The following GAN variants were observed in gnomAD, a reference collection of about 807,000 sequenced individuals.
GAN encodes gigaxonin.
In GAN, 48 loss-of-function variants were observed where a neutral mutation model predicts 71.3. The observed-to-expected ratio is 0.67, with a 90% CI of 0.53 to 0.86. GAN has a LOEUF of 0.86. Ranked by LOEUF, GAN falls within the 40% of genes least tolerant of loss-of-function variation. The pLI is 0.00. For missense variants in GAN, 928 were observed against 770.1 expected, an observed-to-expected ratio of 1.21 and a Z score of -2.43; for synonymous variants, 386 against 276.8, an observed-to-expected ratio of 1.39 and a Z score of -3.92.
At chr16:81,351,406 A>G (rs149912994) in intron 1 of GAN, among the ~76,000 whole-genome samples, 177 bp from the exon 2 acceptor site, 13 of 152,188 alleles carry the variant, frequency 8.5e-5, no homozygotes, top group African/African-American at 2.9e-4. Flanking sequence ...CCTGGGACCA[A>G]TGTTTTGTAG....
chr16:81,355,568 G>T (rs1910459648), intron 3 of GAN, among the ~76,000 whole-genome samples: 1 of 152,166 alleles, frequency 6.6e-6, no homozygotes, highest in Admixed American at 6.5e-5. Context: ...TCGCTGTGCT[G>T]CCCAGGCTGG....
At chr16:81,350,329 A>T (rs1009541232) in intron 1 of GAN, among the ~76,000 whole-genome samples, 1 of 152,164 alleles carries the variant, frequency 6.6e-6, no homozygotes, top group African/African-American at 2.4e-5. Flanking sequence ...CACTCATTCA[A>T]TTGACAAAAC....
At chr16:81,352,340 T>C (rs1369566519) in intron 2 of GAN, among the ~76,000 whole-genome samples, 2 of 152,206 alleles carry the variant, frequency 1.3e-5, no homozygotes, top group African/African-American at 4.8e-5. Context: ...CTTCTTTCTT[T>C]TCCTTTGCCC....
At chr16:81,368,230 G>A (rs1053700673) in intron 9 of GAN, among the ~76,000 whole-genome samples, 7 of 152,118 alleles carry the variant, frequency 4.6e-5, no homozygotes, top group Non-Finnish European at 8.8e-5. Context: ...CCAGAATGAC[G>A]GTTTCTCTAT....
In GAN at chr16:81,347,832, T is replaced by TC. The variant is rs1434204948; in HGVS notation, c.168-3749dup. ...AAGACTTTTTTCTTTATTTCTCGTATCCTGAATTATTATGATGATGTGCTC... is the reference window on the plus strand; with the variant it reads ...AAGACTTTTTTCTTTATTTCTCGTATCCCTGAATTATTATGATGATGTGCTC... On this transcript the variant is annotated intron_variant, in intron 1 of 10. Transcript: ENST00000648994. Among the ~76,000 whole-genome samples, 3 of 152,154 alleles carry TC rather than the reference T, an allele frequency of 2.0e-5. No homozygotes were observed. The East Asian group carries it at 5.8e-4, about 29-fold the overall frequency.
intron 1 of GAN, among the ~76,000 whole-genome samples, chr16:81,332,559 C>T (rs996114224): frequency 6.6e-5 from 10 of 152,176 alleles, no homozygotes; most frequent in Non-Finnish European, 8.8e-5. Context: ...CAACCTGAGT[C>T]GGGTGCCACC....
At chr16:81,355,563 G>T (rs1442266979) in intron 3 of GAN, among the ~76,000 whole-genome samples, 2 of 152,130 alleles carry the variant, frequency 1.3e-5, no homozygotes, top group Admixed American at 6.5e-5. Flanking sequence ...GGGTCTCGCT[G>T]TGCTGCCCAG....
chr16:81,355,552 A>G (rs1910458770), intron 3 of GAN, among the ~76,000 whole-genome samples: 1 of 152,040 alleles, frequency 6.6e-6, no homozygotes, highest in Non-Finnish European at 1.5e-5. Flanking sequence ...TTGTAGAGAC[A>G]GGGTCTCGCT....
chr16:81,373,835 T>C (rs530685440), intron 9 of GAN, among the ~76,000 whole-genome samples: 1 of 152,296 alleles, frequency 6.6e-6, no homozygotes, highest in African/African-American at 2.4e-5. Context: ...CTCCGCCTCC[T>C]GGGTTCAAGT....
chr16:81,324,193 A>C, intron 1 of GAN, among the ~76,000 whole-genome samples: 1 of 152,146 alleles, frequency 6.6e-6, no homozygotes, highest in Non-Finnish European at 1.5e-5. Flanking sequence ...TTAAGTAGAG[A>C]ACATCAGTTC....
rs1904312942 is a variant in GAN at position 81,382,919 on chromosome 16, C to T, written c.*5323C>T. On this transcript the variant is annotated 3_prime_UTR_variant, in exon 11 of 11. Transcript: ENST00000648994. The stretch of plus-strand genomic sequence containing the variant: ...CATCTGAGGAATTAAATCATACTTC[C>T]AGATGGTTTGGTCTAATGTATACAG... 6 of 152,142 alleles carry T rather than the reference C, an allele frequency of 3.9e-5. No individual in the cohort carries two copies. Among genetic ancestry groups the T allele is most frequent in the Admixed American group, 3.9e-4 (6 of 15,276 alleles). The allele number at this position is 152,142 out of a possible 1,614,324, so 9.4% of individuals were successfully genotyped here. A position where few individuals can be genotyped will look rare whatever the true frequency, so the allele number is the denominator to read the frequency against.
rs1904289534 is a variant in GAN, at chr16:81,378,400, G to A, written c.*804G>A. The A allele has an allele frequency of 6.6e-6, 1 of 152,110 alleles. No homozygotes were observed. The highest frequency in any genetic ancestry group is 1.5e-5 in the Non-Finnish European group (1 of 68,066). The allele number at this position is 152,110 out of a possible 1,614,324, so 9.4% of individuals were successfully genotyped here. ...CAGTGCCATTCTGCCTTCTCAATGA[G>A]CAAAACCATTTTCTAAGTATGAGGA... On this transcript the variant is annotated 3_prime_UTR_variant, in exon 11 of 11. Coordinates refer to ENST00000648994, the MANE Select transcript of GAN (RefSeq NM_022041.4).
At chr16:81,332,161 CAAAAA>C (rs397855942) in intron 1 of GAN, among the ~76,000 whole-genome samples, 3 of 60,676 alleles carry the variant, frequency 4.9e-5, no homozygotes, top group African/African-American at 2.2e-4. Flanking sequence ...AAATCTGTCT[CAAAAA>C]AAAAAAAAAA....
intron 1 of GAN, 70 bp downstream of exon 1, chr16:81,315,350 G>A: frequency 3.3e-6 from 4 of 1,195,748 alleles, no homozygotes; most frequent in Non-Finnish European, 4.3e-6. Flanking sequence ...GGCCGGGCCG[G>A]GCGTGGCCCC....
chr16:81,318,490 C>A (rs931088687), intron 1 of GAN, among the ~76,000 whole-genome samples: 2 of 152,058 alleles, frequency 1.3e-5, no homozygotes, highest in African/African-American at 4.8e-5. Flanking sequence ...TAGTGAGACC[C>A]AGTCTGTACA....
At position 81,384,960 on chromosome 16, in the gene GAN, C is replaced by G. The variant is rs544316973; in HGVS notation, c.*7364C>G. ...GTTTCAGGGCACAGTTGTACACATT[C>G]TACTTAAATGGAGGAGTTCAGTGAT... is the stretch of plus-strand genomic sequence containing the variant. On this transcript the variant is annotated 3_prime_UTR_variant, in exon 11 of 11. Transcript: ENST00000648994. 6.5e-6 allele frequency: 1 copy of G among 154,350 alleles called. No individual in the cohort carries two copies. The highest frequency in any genetic ancestry group is 2.4e-5 in the African/African-American group (1 of 41,518). 9.6% of individuals were successfully genotyped at this position (154,350 alleles called of 1,614,324 possible). A position where few individuals can be genotyped will look rare whatever the true frequency, so the allele number is the denominator to read the frequency against.
intron 1 of GAN, among the ~76,000 whole-genome samples, chr16:81,317,453 G>C (rs142973709): frequency 1.3e-5 from 2 of 152,206 alleles, no homozygotes; most frequent in Non-Finnish European, 2.9e-5. Context: ...GGATAAAAAT[G>C]AGTCTTCTCA....
rs530291533 is a variant in GAN, at chr16:81,382,766, T to G, written c.*5170T>G. The G allele has an allele frequency of 1.4e-4, 21 of 152,322 alleles. No homozygotes were observed. Among genetic ancestry groups the G allele is most frequent in the African/African-American group, 5.1e-4 (21 of 41,582 alleles). The allele number at this position is 152,322 out of a possible 1,614,324, so 9.4% of individuals were successfully genotyped here. A position where few individuals can be genotyped will look rare whatever the true frequency, so the allele number is the denominator to read the frequency against. On this transcript the variant is annotated 3_prime_UTR_variant, in exon 11 of 11. Transcript: ENST00000648994. ...CAGTGGTATTGACTGCTAGGCATTT[T>G]CTATATTTTTTGCAAGTTAGCTGGT...
intron 1 of GAN, among the ~76,000 whole-genome samples, chr16:81,347,982 A>G (rs905216777): frequency 1.1e-4 from 17 of 151,742 alleles, no homozygotes; most frequent in Non-Finnish European, 1.5e-5. Context: ...AGTTTTCTTA[A>G]CTTATCTCTC....
Sources: allele counts gnomAD v4.1 joint callset (sites outside exome capture counted in the v4.1 genomes callset), GRCh38; gene constraint gnomAD v4.1.1; transcripts MANE v1.5; gene names NCBI Gene and HGNC (gene_info 2026-07-23, HGNC 2026-07-21).